The following MREG variants were observed in gnomAD, a reference collection of about 807,000 sequenced individuals.
MREG encodes the protein melanoregulin.
Under a neutral mutation model 28.5 loss-of-function variants are expected in MREG, and 31 were observed. The observed-to-expected ratio is 1.09, with a 90% confidence interval of 0.82 to 1.47. The LOEUF (loss-of-function observed/expected upper bound fraction) is 1.47, where lower values mean the gene tolerates loss of function less well. MREG is among the 40% of genes most tolerant of loss of function. The pLI is 0.00. For missense variants in MREG, 256 were observed against 257.4 expected (o/e 0.99, Z 0.04); for synonymous variants, 106 against 95.2 (o/e 1.11, Z -0.66).
intron 1 of MREG, among the ~76,000 whole-genome samples, chr2:216,010,471 C>T (rs532059653): frequency 2.7e-5 from 4 of 146,604 alleles, no homozygotes; most frequent in African/African-American, 1.0e-4. Flanking sequence ...CATTCTCCTG[C>T]CTCAACCTCC....
upstream of MREG, among the ~76,000 whole-genome samples, chr2:216,014,016 T>A (rs2105927346): frequency 6.6e-6 from 1 of 152,136 alleles, no homozygotes; most frequent in South Asian, 2.1e-4. Context: ...CACTTGTGAG[T>A]TTCCAGAGCT....
rs1264953470 is a variant in MREG, at chr2:216,031,580, AAAG to A, written c.-68+1206_-68+1208del. 2.1e-4 allele frequency among the ~76,000 whole-genome samples: 29 copies of A among 140,844 alleles called. No individual in the cohort carries two copies. In the East Asian group the frequency reaches 5.7e-3, roughly 28 times the overall value. 92.4% of individuals were successfully genotyped at this position (140,844 alleles called of 152,430 possible). A position where few individuals can be genotyped will look rare whatever the true frequency, so the allele number is the denominator to read the frequency against. On this transcript the variant is annotated intron_variant, in intron 1 of 3. Transcript: ENST00000420348. ...GAGGGAGGGAAGGAAGGAAGGAAAGAAAGAAGGAAAGAAAAGAAGGAAAGAAGG... is the reference window on the plus strand; with the variant it reads ...GAGGGAGGGAAGGAAGGAAGGAAAGAAAGGAAAGAAAAGAAGGAAAGAAGG...
chr2:215,980,769 G>A (rs571528129), intron 2 of MREG, among the ~76,000 whole-genome samples: 3 of 149,498 alleles, frequency 2.0e-5, no homozygotes, highest in Non-Finnish European at 3.0e-5. Context: ...CAGAGATCAC[G>A]CCACTGCCCT....
At chr2:215,958,949 C>T (rs1231311860) in intron 2 of MREG, among the ~76,000 whole-genome samples, 2 of 152,112 alleles carry the variant, frequency 1.3e-5, no homozygotes, top group Non-Finnish European at 2.9e-5. Flanking sequence ...GTATTAGTAT[C>T]CCTATTCTGG....
At chr2:215,978,110 G>T (rs1210809069) in intron 2 of MREG, among the ~76,000 whole-genome samples, 1 of 151,940 alleles carries the variant, frequency 6.6e-6, no homozygotes, top group African/African-American at 2.4e-5. Context: ...TTTTTGAAAA[G>T]ATCAACAAAA....
intron 1 of MREG, among the ~76,000 whole-genome samples, chr2:216,025,720 G>C (rs191072787): frequency 1.4e-4 from 21 of 152,316 alleles, no homozygotes; most frequent in African/African-American, 5.1e-4. Context: ...TGACAGCTAG[G>C]GCCGTGTCGG....
Position 215,942,863 on chromosome 2 carries a change from C to T in MREG, c.*2000G>A, listed in dbSNP as rs1692218173. 1 of 152,480 alleles carries T rather than the reference C, an allele frequency of 6.6e-6. No individual in the cohort carries two copies. The highest frequency in any genetic ancestry group is 1.5e-5 in the Non-Finnish European group (1 of 68,038). The allele number at this position is 152,480 out of a possible 1,614,324, so 9.4% of individuals were successfully genotyped here. ...TGAATGTTTATCTTGCGAGAGTCTA[C>T]AGAATTGAGAGAAAATATCTGCAGG... On this transcript the variant is annotated 3_prime_UTR_variant, in exon 5 of 5. Coordinates refer to ENST00000263268, the MANE Select transcript of MREG (RefSeq NM_018000.3).
chr2:216,020,870 T>A (rs1224432830), intron 1 of MREG, among the ~76,000 whole-genome samples: 1 of 152,168 alleles, frequency 6.6e-6, no homozygotes, highest in Non-Finnish European at 1.5e-5. Flanking sequence ...AGACTCCCAC[T>A]GCGTCCCTTA....
chr2:216,028,303 CAGG>C lies in MREG; in HGVS notation c.-68+4483_-68+4485del, dbSNP rs1479692842. ...GGCTGAGGCAGATGGATCACGAGGT[CAGG>C]AGATCGAGATCACGAGGTCAGGAGA... On this transcript the variant is annotated intron_variant, in intron 1 of 3. Transcript: ENST00000420348. Among the ~76,000 whole-genome samples, 10 of 151,996 alleles carry C rather than the reference CAGG, an allele frequency of 6.6e-5. No individual in the cohort carries two copies. The South Asian group carries it at 2.1e-3, about 31-fold the overall frequency.
chr2:216,031,699 A>AG (rs1559204173), intron 1 of MREG, among the ~76,000 whole-genome samples: 4 of 127,494 alleles, frequency 3.1e-5, no homozygotes, highest in African/African-American at 1.1e-4. Context: ...AAGAGAAAGA[A>AG]AGAAAGAAAG....
At chr2:215,973,180 A>G (rs2105992043) in intron 2 of MREG, among the ~76,000 whole-genome samples, 1 of 152,286 alleles carries the variant, frequency 6.6e-6, no homozygotes, top group Non-Finnish European at 1.5e-5. Flanking sequence ...ATGACCTTGC[A>G]TGCAAAGGCA....
At chr2:215,970,589 A>G (rs1465920415) in intron 2 of MREG, among the ~76,000 whole-genome samples, 4 of 152,198 alleles carry the variant, frequency 2.6e-5, no homozygotes, top group Non-Finnish European at 5.9e-5. Context: ...ACAGCCATAC[A>G]TGCACAAGGG....
intron 1 of MREG, among the ~76,000 whole-genome samples, chr2:216,022,202 G>A (rs1034715862): frequency 1.3e-5 from 2 of 152,154 alleles, no homozygotes; most frequent in African/African-American, 4.8e-5. Flanking sequence ...AGTGAGCTGA[G>A]ATAGTGCCAC....
chr2:216,031,112 A>G (rs1694681912), intron 1 of MREG, among the ~76,000 whole-genome samples: 1 of 152,132 alleles, frequency 6.6e-6, no homozygotes, highest in South Asian at 2.1e-4. Flanking sequence ...AACGCGTTAG[A>G]AAGAGTTGCA....
At chr2:215,955,953 G>A (rs1340371724) in intron 2 of MREG, among the ~76,000 whole-genome samples, 1 of 152,172 alleles carries the variant, frequency 6.6e-6, no homozygotes, top group African/African-American at 2.4e-5. Flanking sequence ...GTAATGCACC[G>A]TGGGGCTCAA....
At chr2:215,961,993 A>T (rs551707244) in intron 2 of MREG, among the ~76,000 whole-genome samples, 5 of 152,252 alleles carry the variant, frequency 3.3e-5, no homozygotes, top group Non-Finnish European at 7.3e-5. Context: ...AGACAGGCAC[A>T]TCCATAGCCT....
chr2:215,996,406 A>C lies in MREG; in HGVS notation c.155T>G (p.Leu52Ter). ...ATLVRDDEKN[L>*]WSMPHDVSHT... ...GGACACATCATGGGGCATACTCCAT[A>C]AATTCTTCTCATCATCCCTCACCAG... Residue 52 changes from leucine to a stop codon, truncating the protein, a stop_gained, in exon 2 of 5, where the codon TTA becomes TGA. Coordinates refer to ENST00000263268, the MANE Select transcript of MREG (RefSeq NM_018000.3). LOFTEE classifies it high-confidence loss of function. 1 of 1,613,774 alleles carries C rather than the reference A, an allele frequency of 6.2e-7. No individual in the cohort carries two copies. The highest frequency in any genetic ancestry group is 8.5e-7 in the Non-Finnish European group (1 of 1,179,642).
intron 1 of MREG, among the ~76,000 whole-genome samples, chr2:216,024,671 C>T (rs1202657148): frequency 1.3e-5 from 2 of 151,524 alleles, no homozygotes; most frequent in Non-Finnish European, 2.9e-5. Flanking sequence ...GTTAGGAGTT[C>T]AAGACCAGGT....
chr2:215,979,617 C>T (rs1430415947), intron 2 of MREG, among the ~76,000 whole-genome samples: 1 of 151,924 alleles, frequency 6.6e-6, no homozygotes, highest in Non-Finnish European at 1.5e-5. Flanking sequence ...GTAAGAAGTG[C>T]ATTTCTGTTT....
Sources: gnomAD v4.1 joint callset for allele counts (sites outside exome capture counted in the v4.1 genomes callset) on GRCh38, gnomAD v4.1.1 for gene constraint, MANE v1.5 for transcripts, NCBI Gene and HGNC (gene_info 2026-07-23, HGNC 2026-07-21) for gene names.